The following ACSS3 variants were observed in gnomAD, a reference collection of about 807,000 sequenced individuals.
ACSS3 encodes acyl-CoA synthetase short chain family member 3, also known as acyl-CoA synthetase short-chain family member 3, mitochondrial.
ACSS3 carries 64 observed loss-of-function variants against 84.2 expected under a neutral mutation model. That is an observed-to-expected ratio of 0.76 (90% CI 0.62 to 0.94). The LOEUF is 0.94. Among genes scored for constraint, ACSS3 ranks in the 40% least tolerant of loss-of-function variants. ACSS3 has a pLI of 0.00. For missense variants in ACSS3, 815 were observed against 867.6 expected, an observed-to-expected ratio of 0.94 and a Z score of 0.76; for synonymous variants, 317 against 310.1, an observed-to-expected ratio of 1.02 and a Z score of -0.23.
intron 1 of ACSS3, among the ~76,000 whole-genome samples, chr12:81,107,646 T>C (rs1409004525): frequency 6.7e-6 from 1 of 149,508 alleles, no homozygotes; most frequent in African/African-American, 2.5e-5. Context: ...GTGTGTTAGA[T>C]ATTTATGGCC....
In ACSS3 at chr12:81,231,152, T is replaced by C; in HGVS notation, c.1596+14T>C. 6.4e-7 allele frequency: 1 copy of C among 1,559,192 alleles called. No individual in the cohort carries two copies. The highest frequency in any genetic ancestry group is 8.8e-7 in the Non-Finnish European group (1 of 1,135,868). ...GAAAAATTTCCTGTAAGAACTTTAA[T>C]ATGCTTTTTTATCTTCTTATGTACT... is the stretch of plus-strand genomic sequence containing the variant. On this transcript the variant is annotated intron_variant, in intron 12 of 15. Transcript: ENST00000548058.
intron 1 of ACSS3, among the ~76,000 whole-genome samples, chr12:81,097,124 G>T (rs1432932175): frequency 6.6e-6 from 1 of 152,108 alleles, no homozygotes; most frequent in Non-Finnish European, 1.5e-5. Flanking sequence ...AGACACATGT[G>T]GCTAGTCGTT....
intron 1 of ACSS3, among the ~76,000 whole-genome samples, chr12:81,101,560 T>C (rs958549311): frequency 9.9e-5 from 15 of 152,130 alleles, no homozygotes; most frequent in African/African-American, 3.4e-4. Flanking sequence ...AAAGCTAATT[T>C]TGATCATTGT....
chr12:81,081,517 A>C (rs1309153692), intron 1 of ACSS3, among the ~76,000 whole-genome samples: 5 of 152,166 alleles, frequency 3.3e-5, no homozygotes, highest in Non-Finnish European at 7.4e-5. Context: ...TGGAACAACA[A>C]AGTGGAAGTT....
At chr12:81,128,176 T>C (rs1885237146) in intron 2 of ACSS3, among the ~76,000 whole-genome samples, 1 of 150,870 alleles carries the variant, frequency 6.6e-6, no homozygotes, top group Admixed American at 6.6e-5. Context: ...TATTCCTGTA[T>C]GTGATTTTTT....
At chr12:81,119,458 C>T (rs1884370173) in intron 2 of ACSS3, among the ~76,000 whole-genome samples, 1 of 152,054 alleles carries the variant, frequency 6.6e-6, no homozygotes, top group Admixed American at 6.6e-5. Context: ...TTCTTCCCCA[C>T]CCTAATAAGC....
chr12:81,245,554 C>T (rs1015498678), intron 13 of ACSS3, among the ~76,000 whole-genome samples: 4 of 152,142 alleles, frequency 2.6e-5, no homozygotes, highest in Non-Finnish European at 5.9e-5. Context: ...GAGAAAACTC[C>T]AGCAGTTAGG....
rs76085101 is a variant in ACSS3, at chr12:81,193,350, G to A, written c.1251-5991G>A. 5.3e-4 allele frequency among the ~76,000 whole-genome samples: 81 copies of A among 151,476 alleles called. 1 individual carries two copies. The East Asian group carries it at 0.012, about 23-fold the overall frequency. ...ATTCACTTTTATTTTTTATTTTTTTGCCCTCACTTTATTCCCTGAAAATTC... is the reference window on the plus strand; with the variant it reads ...ATTCACTTTTATTTTTTATTTTTTTACCCTCACTTTATTCCCTGAAAATTC... On this transcript the variant is annotated intron_variant, in intron 8 of 15. Transcript: ENST00000548058.
In ACSS3 at chr12:81,181,868, T is replaced by TA. The variant is rs755634445; in HGVS notation, c.1250+6936dup. Among the ~76,000 whole-genome samples the TA allele has an allele frequency of 1.6e-4, 22 of 133,936 alleles. No homozygotes were observed. The East Asian group carries it at 2.6e-3, about 16-fold the overall frequency. 87.9% of individuals were successfully genotyped at this position (133,936 alleles called of 152,430 possible). A position where few individuals can be genotyped will look rare whatever the true frequency, so the allele number is the denominator to read the frequency against. ...GAAATGACTCATTCACAGGAAAAAA[T>TA]AAAAAAAGAATGAAAAGGGGTGAAG... On this transcript the variant is annotated intron_variant, in intron 8 of 15. Coordinates refer to ENST00000548058, the MANE Select transcript of ACSS3 (RefSeq NM_024560.4).
At chr12:81,229,764 A>G (rs970493080) in intron 11 of ACSS3, among the ~76,000 whole-genome samples, 1 of 151,958 alleles carries the variant, frequency 6.6e-6, no homozygotes, top group Non-Finnish European at 1.5e-5. Context: ...ATACTGATGT[A>G]GTATATTTCC....
At chr12:81,148,744 T>G (rs939919716) in intron 5 of ACSS3, among the ~76,000 whole-genome samples, 8 of 151,838 alleles carry the variant, frequency 5.3e-5, no homozygotes, top group East Asian at 1.9e-4. Flanking sequence ...CTAGTGACTT[T>G]ACTTTTAAGG....
intron 3 of ACSS3, among the ~76,000 whole-genome samples, chr12:81,136,217 A>G (rs1002917999): frequency 6.6e-6 from 1 of 151,858 alleles, no homozygotes; most frequent in South Asian, 2.1e-4. Flanking sequence ...TACACATTTA[A>G]AAAATGTTAA....
chr12:81,095,443 T>C (rs1881975259), intron 1 of ACSS3, among the ~76,000 whole-genome samples: 1 of 152,222 alleles, frequency 6.6e-6, no homozygotes, highest in South Asian at 2.1e-4. Context: ...ATTTTCTACC[T>C]TTTTAGATTA....
intron 7 of ACSS3, among the ~76,000 whole-genome samples, chr12:81,169,170 G>A (rs578230829): frequency 3.7e-4 from 57 of 152,254 alleles, no homozygotes; most frequent in South Asian, 1.0e-3. Flanking sequence ...ATGGAGAAAG[G>A]CAAGATGGCA....
chr12:81,111,842 TCTC>T (rs1883621540), intron 2 of ACSS3, among the ~76,000 whole-genome samples: 1 of 152,154 alleles, frequency 6.6e-6, no homozygotes, highest in South Asian at 2.1e-4. Flanking sequence ...TGGGGACCTG[TCTC>T]CCTCTAGGAT....
At chr12:81,141,283 G>A (rs937629612) in intron 4 of ACSS3, among the ~76,000 whole-genome samples, 4 of 152,092 alleles carry the variant, frequency 2.6e-5, no homozygotes, top group African/African-American at 7.2e-5. Context: ...TAGACCTGCT[G>A]TTTTGGCAGT....
At chr12:81,140,790 T>C (rs752177634) in intron 4 of ACSS3, among the ~76,000 whole-genome samples, 2 of 152,178 alleles carry the variant, frequency 1.3e-5, no homozygotes, top group Non-Finnish European at 2.9e-5. Flanking sequence ...ACACACAATG[T>C]ATGCATATGT....
chr12:81,224,579 T>TCACAC, intron 11 of ACSS3, among the ~76,000 whole-genome samples: 1 of 146,592 alleles, frequency 6.8e-6, no homozygotes, highest in Non-Finnish European at 1.5e-5. Context: ...CACACATGTG[T>TCACAC]GTGTGTGTGT....
rs1362833002 is a variant in ACSS3 at position 81,158,036 on chromosome 12, T to C, written c.1098+5940T>C. ...TACAAGATTAACATACAAATATTCA[T>C]TGTGTCTCTATAAATCAGCAATGGC... On this transcript the variant is annotated intron_variant, in intron 7 of 15. Transcript: ENST00000548058. Among the ~76,000 whole-genome samples the C allele has an allele frequency of 2.0e-5, 3 of 151,642 alleles. 1 individual carries two copies. The highest frequency in any genetic ancestry group is 1.3e-4 in the Admixed American group (2 of 15,210).
Sources: gnomAD v4.1 joint callset for allele counts (sites outside exome capture counted in the v4.1 genomes callset) on GRCh38, gnomAD v4.1.1 for gene constraint, MANE v1.5 for transcripts, NCBI Gene and HGNC (gene_info 2026-07-23, HGNC 2026-07-21) for gene names.